SMYD3: variants seen among roughly 807,000 people sequenced by gnomAD.
SMYD3 encodes SET and MYND domain containing 3, also known as histone-lysine N-methyltransferase SMYD3.
A neutral mutation model predicts 57.7 loss-of-function variants in SMYD3; 36 were observed. That is an observed-to-expected ratio of 0.62 (90% confidence interval 0.48 to 0.82). SMYD3 has a LOEUF of 0.82. SMYD3 is among the 40% of genes least tolerant of loss of function. SMYD3 has a pLI of 0.00. For synonymous variants in SMYD3, 211 were observed against 195.0 expected (o/e 1.08, Z -0.68); for missense variants, 515 against 538.8 (o/e 0.96, Z 0.44).
intron 5 of SMYD3, among the ~76,000 whole-genome samples, chr1:246,245,421 T>C (rs1167206675): frequency 2.0e-5 from 3 of 152,052 alleles, no homozygotes; most frequent in Non-Finnish European, 4.4e-5. Flanking sequence ...CTAGCCTGGG[T>C]GACAGAACGA....
At chr1:245,948,168 G>A (rs2057490793) in intron 5 of SMYD3, among the ~76,000 whole-genome samples, 1 of 152,184 alleles carries the variant, frequency 6.6e-6, no homozygotes, top group African/African-American at 2.4e-5. Context: ...GGTAAGAGGG[G>A]CCTCAAGGTG....
At chr1:245,879,844 A>G (rs1053022015) in intron 8 of SMYD3, among the ~76,000 whole-genome samples, 1 of 152,238 alleles carries the variant, frequency 6.6e-6, no homozygotes, top group Non-Finnish European at 1.5e-5. Flanking sequence ...CAAATAAGTC[A>G]ATGTCTATCT....
At chr1:245,923,180 T>C (rs1394219060) in intron 7 of SMYD3, among the ~76,000 whole-genome samples, 1 of 152,186 alleles carries the variant, frequency 6.6e-6, no homozygotes, top group African/African-American at 2.4e-5. Flanking sequence ...TCGTTTGTGA[T>C]ATCCCAAATC....
intron 5 of SMYD3, among the ~76,000 whole-genome samples, chr1:246,018,249 G>C (rs553595661): frequency 6.6e-6 from 1 of 152,274 alleles, no homozygotes; most frequent in South Asian, 2.1e-4. Context: ...CTAATGAACA[G>C]AGTTTTATTC....
intron 1 of SMYD3, among the ~76,000 whole-genome samples, chr1:246,394,579 A>G (rs1306363683): frequency 6.6e-6 from 1 of 152,252 alleles, no homozygotes; most frequent in Admixed American, 6.5e-5. Context: ...AATCACCAAT[A>G]TCAGGCTCTT....
At chr1:246,145,667 A>T (rs1034188021) in intron 5 of SMYD3, among the ~76,000 whole-genome samples, 3 of 152,212 alleles carry the variant, frequency 2.0e-5, no homozygotes, top group African/African-American at 7.2e-5. Flanking sequence ...TAAGTAGCGT[A>T]AGCCTCTTAA....
At chr1:245,823,693 A>C (rs570440630) in intron 10 of SMYD3, among the ~76,000 whole-genome samples, 1 of 152,344 alleles carries the variant, frequency 6.6e-6, no homozygotes, top group Non-Finnish European at 1.5e-5. Flanking sequence ...GCAACCGTTC[A>C]GGGAAGCCTT....
intron 5 of SMYD3, among the ~76,000 whole-genome samples, chr1:246,104,042 G>A (rs1054567176): frequency 3.3e-5 from 5 of 152,118 alleles, no homozygotes; most frequent in South Asian, 2.1e-4. Flanking sequence ...TATCTTATAC[G>A]CCTGGTATGG....
At chr1:246,464,433 C>T (rs776125375) in intron 1 of SMYD3, among the ~76,000 whole-genome samples, 2 of 152,168 alleles carry the variant, frequency 1.3e-5, no homozygotes, top group Non-Finnish European at 2.9e-5. Context: ...GGGAGGCTCA[C>T]TTCAGCCCAG....
chr1:246,017,483 G>T (rs1348228318), intron 5 of SMYD3, among the ~76,000 whole-genome samples: 1 of 152,088 alleles, frequency 6.6e-6, no homozygotes, highest in Admixed American at 6.5e-5. Flanking sequence ...AAGACTAGAG[G>T]CCAGTTATTT....
intron 10 of SMYD3, among the ~76,000 whole-genome samples, chr1:245,810,001 G>T (rs1320604390): frequency 6.6e-6 from 1 of 152,130 alleles, no homozygotes; most frequent in Non-Finnish European, 1.5e-5. Flanking sequence ...CAAGATTTTG[G>T]TTTCAGAGGG....
intron 1 of SMYD3, among the ~76,000 whole-genome samples, chr1:246,356,860 G>A (rs1463471388): frequency 6.6e-6 from 1 of 152,180 alleles, no homozygotes; most frequent in Non-Finnish European, 1.5e-5. Context: ...CTAAAAGTTT[G>A]GAAACATTAT....
At chr1:246,070,334 G>A (rs1036911636) in intron 5 of SMYD3, among the ~76,000 whole-genome samples, 2 of 152,126 alleles carry the variant, frequency 1.3e-5, no homozygotes, top group African/African-American at 2.4e-5. Flanking sequence ...ATCTAATATC[G>A]ATTAGGTCCA....
intron 5 of SMYD3, among the ~76,000 whole-genome samples, chr1:246,086,501 C>CT (rs879767526): frequency 1.6e-3 from 219 of 141,138 alleles, no homozygotes; most frequent in African/African-American, 1.5e-3. Flanking sequence ...GATATATTTT[C>CT]TTTTTTTTTT....
chr1:245,939,695 C>G (rs1403976346), intron 5 of SMYD3, among the ~76,000 whole-genome samples: 1 of 152,148 alleles, frequency 6.6e-6, no homozygotes, highest in Admixed American at 6.5e-5. Context: ...GGGTCCAGAT[C>G]TGGTCCCCAT....
At chr1:246,180,297 T>C (rs1432923507) in intron 5 of SMYD3, among the ~76,000 whole-genome samples, 1 of 145,946 alleles carries the variant, frequency 6.9e-6, no homozygotes, top group Non-Finnish European at 1.5e-5. Context: ...CTTATATATA[T>C]ATAAGTATAT....
chr1:246,185,613 C>T (rs1464361497), intron 5 of SMYD3, among the ~76,000 whole-genome samples: 1 of 152,078 alleles, frequency 6.6e-6, no homozygotes, highest in Non-Finnish European at 1.5e-5. Context: ...AGGCGCCCGC[C>T]ACCACGCCCG....
chr1:246,007,558 C>G (rs11585219), intron 5 of SMYD3, among the ~76,000 whole-genome samples: 66,256 of 151,678 alleles, frequency 0.44, 17,595 homozygotes, highest in Non-Finnish European at 0.6. Flanking sequence ...ATCTGTAATC[C>G]CAGTATTTCG....
At chr1:245,874,234 T>C (rs2052371533) in intron 8 of SMYD3, among the ~76,000 whole-genome samples, 1 of 152,186 alleles carries the variant, frequency 6.6e-6, no homozygotes, top group Non-Finnish European at 1.5e-5. Context: ...AATTTGACAA[T>C]GGTTATTTAA....
Sources: allele counts gnomAD v4.1 joint callset (sites outside exome capture counted in the v4.1 genomes callset), GRCh38; gene constraint gnomAD v4.1.1; transcripts MANE v1.5; gene names NCBI Gene and HGNC (gene_info 2026-07-23, HGNC 2026-07-21).